The following STX5 variants were observed in gnomAD, a reference collection of about 807,000 sequenced individuals.
STX5 encodes syntaxin-5.
Under a neutral mutation model 42.9 loss-of-function variants are expected in STX5, and 15 were observed. The observed-to-expected ratio is 0.35, with a 90% CI of 0.23 to 0.54. STX5 has a LOEUF of 0.54. Ranked by LOEUF, STX5 falls within the 20% of genes least tolerant of loss-of-function variation. STX5 has a pLI of 0.91. For synonymous variants in STX5, 184 were observed against 173.2 expected (o/e 1.06, Z -0.49); for missense variants, 430 against 455.0 (o/e 0.95, Z 0.50).
intron 10 of STX5, among the ~76,000 whole-genome samples, chr11:62,821,675 CATTGCA>C (rs1238304868): frequency 1.3e-5 from 2 of 151,324 alleles, no homozygotes; most frequent in African/African-American, 4.9e-5. Context: ...CGAGAGGTGC[CATTGCA>C]CTCCAGCCTG....
rs773014918 is a variant in STX5 at position 62,807,544 on chromosome 11, G to A, written c.993C>T (p.Ser331=). The A allele has an allele frequency of 6.8e-6, 11 of 1,614,072 alleles. No individual in the cohort carries two copies. The South Asian group carries it at 1.1e-4, about 16-fold the overall frequency. Reference sequence around the variant, plus strand: ...AGATTTTGACCATGAGCCACCGGTTGGAGGTGACAGACTGGAAGTACTTGA... The same window carrying A: ...AGATTTTGACCATGAGCCACCGGTTAGAGGTGACAGACTGGAAGTACTTGA... The part of the protein sequence containing the change: ...EILKYFQSVT[S]NRWLMVKIFL... Residue 331 remains serine, a synonymous_variant, in exon 11 of 11, where the codon TCC becomes TCT. Coordinates refer to ENST00000294179, the MANE Select transcript of STX5 (RefSeq NM_003164.5).
intron 10 of STX5, among the ~76,000 whole-genome samples, chr11:62,821,624 T>C (rs879554953): frequency 1.3e-5 from 2 of 152,036 alleles, no homozygotes; most frequent in Non-Finnish European, 2.9e-5. Flanking sequence ...CTCGGGAGGC[T>C]GAGGCAGGAG....
At chr11:62,823,175 ACTTT>A (rs1187097521) in intron 10 of STX5, among the ~76,000 whole-genome samples, 2 of 144,274 alleles carry the variant, frequency 1.4e-5, no homozygotes, top group African/African-American at 5.0e-5. Flanking sequence ...CTACTTAGTC[ACTTT>A]CTTTTTTTTT....
chr11:62,813,483 A>G (rs2084640528), intron 10 of STX5, among the ~76,000 whole-genome samples: 9 of 152,212 alleles, frequency 5.9e-5, no homozygotes, highest in Admixed American at 5.9e-4. Flanking sequence ...CACTCCATTC[A>G]CATCTCTCGA....
chr11:62,824,679 AGGTCATTT>A (rs1590972995), intron 8 of STX5, 114 bp from the exon 9 acceptor site: 2 of 971,714 alleles, frequency 2.1e-6, no homozygotes, highest in East Asian at 5.2e-5. Context: ...GACCCTGGAC[AGGTCATTT>A]AACCTCTCTG....
rs756381796 is a variant in STX5, at chr11:62,825,152, C to A, written c.598-35G>T. ...GGGAAAAACGCAAAGGACCTGAAGC[C>A]ACTAGAAAGCAGGCATGTTAAAGAG... On this transcript the variant is annotated intron_variant, in intron 7 of 10. Coordinates refer to ENST00000294179, the MANE Select transcript of STX5 (RefSeq NM_003164.5). 1.9e-6 allele frequency: 3 copies of A among 1,612,346 alleles called. No homozygotes were observed. The South Asian group carries it at 3.3e-5, about 18-fold the overall frequency.
At chr11:62,824,956 C>T in intron 8 of STX5, 80 bp downstream of exon 8, 7 of 1,433,932 alleles carry the variant, frequency 4.9e-6, no homozygotes, top group Non-Finnish European at 6.8e-6. Context: ...TCCTACCCAA[C>T]CCGTGCCTTT....
intron 10 of STX5, among the ~76,000 whole-genome samples, chr11:62,814,657 C>T (rs1246239316): frequency 2.0e-5 from 3 of 146,712 alleles, no homozygotes; most frequent in African/African-American, 5.1e-5. Context: ...GATGGAGTTT[C>T]GCTCGTTGCC....
rs1170794296 is a variant in STX5 at position 62,831,162 on chromosome 11, G to T, written c.82C>A (p.Pro28Thr). The T allele has an allele frequency of 1.3e-6, 2 of 1,562,682 alleles. No individual in the cohort carries two copies. The highest frequency in any genetic ancestry group is 2.3e-5 in the East Asian group (1 of 42,940). ...LGLSKTQVLS[P>T]ATAGSSSSDI... ...CTGCTGCTACTGCCAGCAGTTGCAG[G>T]GGACAGGACCTGTGTCTTTGAGAGA... Residue 28 changes from proline to threonine, a missense_variant, in exon 2 of 11, where the codon CCT becomes ACT. Pro to Thr is a conservative substitution (Grantham distance 38). Coordinates refer to ENST00000294179, the MANE Select transcript of STX5 (RefSeq NM_003164.5).
Position 62,823,537 on chromosome 11 carries a change from T to G in STX5, c.908+629A>C, listed in dbSNP as rs553315601. ...CCTTTATTACTCCCTGAAATTTTGTTGGTCAATTTTTTATTTTTATTTTTT... is the reference window on the plus strand; with the variant it reads ...CCTTTATTACTCCCTGAAATTTTGTGGGTCAATTTTTTATTTTTATTTTTT... On this transcript the variant is annotated intron_variant, in intron 10 of 10. Coordinates refer to ENST00000294179, the MANE Select transcript of STX5 (RefSeq NM_003164.5). 6.6e-5 allele frequency among the ~76,000 whole-genome samples: 10 copies of G among 152,096 alleles called. No homozygotes were observed. The East Asian group carries it at 1.9e-3, about 29-fold the overall frequency.
intron 2 of STX5, 34 bp downstream of exon 2, chr11:62,830,985 C>G (rs760069782): frequency 6.6e-7 from 1 of 1,525,730 alleles, no homozygotes; most frequent in Non-Finnish European, 8.9e-7. Context: ...TTGAGTAAGG[C>G]TCACTCCTCG....
chr11:62,821,527 C>A (rs2084740358), intron 10 of STX5, among the ~76,000 whole-genome samples: 1 of 149,694 alleles, frequency 6.7e-6, no homozygotes, highest in Non-Finnish European at 1.5e-5. Context: ...GAGGTCGAGA[C>A]CAGCCTGGCC....
At chr11:62,811,409 T>A (rs766516001) in intron 10 of STX5, among the ~76,000 whole-genome samples, 5 of 152,310 alleles carry the variant, frequency 3.3e-5, no homozygotes, top group Admixed American at 6.5e-5. Flanking sequence ...CCAAATTTCT[T>A]GCTGTGACAC....
chr11:62,824,314 G>C, intron 9 of STX5, 27 bp from the exon 10 acceptor site: 1 of 1,614,110 alleles, frequency 6.2e-7, no homozygotes, highest in South Asian at 1.1e-5. Flanking sequence ...GAGCACATGA[G>C]CACCAACAGC....
chr11:62,810,762 C>T (rs925984397), intron 10 of STX5, among the ~76,000 whole-genome samples: 2 of 152,252 alleles, frequency 1.3e-5, no homozygotes, highest in South Asian at 4.1e-4. Context: ...CCCAGATCCA[C>T]TGGCATGCAG....
Position 62,831,905 on chromosome 11 carries a change from G to A in STX5, c.-20+49C>T, listed in dbSNP as rs1282236438. On this transcript the variant is annotated intron_variant, in intron 1 of 10. Coordinates refer to ENST00000294179, the MANE Select transcript of STX5 (RefSeq NM_003164.5). Reference sequence around the variant, plus strand: ...CAGTCGTCGCCCCCGTAAAACCACTGCCCCAGAGCTGACACGGCGGCCAGA... The same window carrying A: ...CAGTCGTCGCCCCCGTAAAACCACTACCCCAGAGCTGACACGGCGGCCAGA... 6.6e-6 allele frequency: 3 copies of A among 455,960 alleles called. No individual in the cohort carries two copies. In the Admixed American group the frequency reaches 7.1e-5, roughly 11 times the overall value. The allele number at this position is 455,960 out of a possible 1,614,324, so 28.2% of individuals were successfully genotyped here.
At chr11:62,820,493 G>A (rs541705461) in intron 10 of STX5, among the ~76,000 whole-genome samples, 1 of 151,604 alleles carries the variant, frequency 6.6e-6, no homozygotes, top group African/African-American at 2.4e-5. Flanking sequence ...GTTGGATTTA[G>A]GGCTGCCATT....
chr11:62,830,000 G>A (rs1273646310), intron 2 of STX5, among the ~76,000 whole-genome samples: 1 of 150,786 alleles, frequency 6.6e-6, no homozygotes, highest in Non-Finnish European at 1.5e-5. Flanking sequence ...AGGAAGAGGA[G>A]GTTGCAGTGA....
chr11:62,810,567 G>A (rs1373568415), intron 10 of STX5, among the ~76,000 whole-genome samples: 1 of 152,022 alleles, frequency 6.6e-6, no homozygotes, highest in South Asian at 2.1e-4. Context: ...GAGGTGAAAA[G>A]GAAAATGACT....
Sources: gnomAD v4.1 joint callset for allele counts (sites outside exome capture counted in the v4.1 genomes callset) on GRCh38, gnomAD v4.1.1 for gene constraint, MANE v1.5 for transcripts, NCBI Gene and HGNC (gene_info 2026-07-23, HGNC 2026-07-21) for gene names.